Variants in DMXL1 observed in about 807,000 individuals in gnomAD.
DMXL1 encodes the protein Dmx like 1.
A neutral mutation model predicts 319.2 loss-of-function variants in DMXL1; 99 were observed. The ratio of observed to expected loss-of-function variants is 0.31; its 90% CI spans 0.26 to 0.37. DMXL1 has a LOEUF of 0.37. Ranked by LOEUF, DMXL1 falls within the 10% of genes least tolerant of loss-of-function variation. The probability of loss-of-function intolerance (pLI) is 1.00; values close to 1 mark genes in which losing one functional copy is unlikely to be tolerated. For missense variants in DMXL1, 3,745 were observed against 3,595.6 expected (o/e 1.04, Z -1.06); for synonymous variants, 1,385 against 1,235.2 (o/e 1.12, Z -2.54).
chr5:119,131,594 T>G (rs1474386338), intron 10 of DMXL1, among the ~76,000 whole-genome samples: 2 of 152,216 alleles, frequency 1.3e-5, no homozygotes, highest in Admixed American at 6.5e-5. Context: ...AATTCCTTCT[T>G]TTTACCATGA....
chr5:119,128,664 G>A (rs912341075), intron 9 of DMXL1, among the ~76,000 whole-genome samples: 1 of 152,204 alleles, frequency 6.6e-6, no homozygotes, highest in Admixed American at 6.5e-5. Flanking sequence ...ACTTTTGGTA[G>A]TGGATGTTGA....
At chr5:119,191,112 T>C (rs1035757891) in intron 29 of DMXL1, among the ~76,000 whole-genome samples, 9 of 152,238 alleles carry the variant, frequency 5.9e-5, no homozygotes, top group Non-Finnish European at 1.2e-4. Context: ...TTGACAAATA[T>C]CTTTAAAGGT....
chr5:119,077,316 A>AT, intron 1 of DMXL1, among the ~76,000 whole-genome samples: 1 of 152,250 alleles, frequency 6.6e-6, no homozygotes, highest in African/African-American at 2.4e-5. Context: ...TCGACAGTTT[A>AT]TTTGATAAGC....
At chr5:119,078,437 A>G (rs1245027748) in intron 1 of DMXL1, among the ~76,000 whole-genome samples, 1 of 152,030 alleles carries the variant, frequency 6.6e-6, no homozygotes, top group East Asian at 1.9e-4. Flanking sequence ...CTTAGCACAT[A>G]TTTGTGAGAT....
intron 35 of DMXL1, 61 bp downstream of exon 35, chr5:119,217,048 G>C: frequency 1.0e-6 from 1 of 962,410 alleles, no homozygotes; most frequent in Non-Finnish European, 1.5e-6. Flanking sequence ...AATATCTTCT[G>C]TTTTATCAGT....
Position 119,166,631 on chromosome 5 carries a change from C to T in DMXL1, c.4986C>T (p.Thr1662=). ...IWGLYRAEKN[T]RMTQFFGHNF... ...TCCTTTATAGAGCTGAAAAAAACAC[C>T]AGGATGACACAGTTTTTTGGACACA... Residue 1662 remains threonine, a synonymous_variant, in exon 22 of 44, where the codon ACC becomes ACT. Coordinates refer to ENST00000539542, the MANE Select transcript of DMXL1 (RefSeq NM_001290321.3). 6.2e-7 allele frequency: 1 copy of T among 1,604,120 alleles called. No homozygotes were observed. Among genetic ancestry groups the T allele is most frequent in the African/African-American group, 1.3e-5 (1 of 74,250 alleles).
In DMXL1 at chr5:119,189,739, G is replaced by A. The variant is rs1401857981; in HGVS notation, c.7167G>A (p.Gln2389=). The A allele has an allele frequency of 6.2e-7, 1 of 1,613,990 alleles. No homozygotes were observed. The highest frequency in any genetic ancestry group is 2.2e-5 in the East Asian group (1 of 44,872). Residue 2389 remains glutamine (Q), a synonymous_variant, in exon 29 of 44, where the codon CAG becomes CAA. Coordinates refer to ENST00000539542, the MANE Select transcript of DMXL1 (RefSeq NM_001290321.3). ...VSSLVEEGEK[Q]NKRFRPSKMS... ...CACTAGTTGAAGAAGGAGAAAAACA[G>A]AACAAACGTTTTAGGCCGTCAAAAA...
chr5:119,122,466 C>CG (rs1319428816), intron 9 of DMXL1, among the ~76,000 whole-genome samples: 1 of 150,742 alleles, frequency 6.6e-6, no homozygotes, highest in Non-Finnish European at 1.5e-5. Context: ...CCCTCCCAGA[C>CG]GGGGTGGCTG....
At chr5:119,222,552 A>T (rs961193291) in intron 37 of DMXL1, among the ~76,000 whole-genome samples, 3 of 152,194 alleles carry the variant, frequency 2.0e-5, no homozygotes, top group Non-Finnish European at 4.4e-5. Flanking sequence ...TTGAATTCCA[A>T]CCTCAGAGAT....
intron 4 of DMXL1, among the ~76,000 whole-genome samples, chr5:119,108,143 G>A (rs1177262009): frequency 2.0e-5 from 3 of 152,080 alleles, no homozygotes; most frequent in Non-Finnish European, 4.4e-5. Flanking sequence ...TGGGAGGATC[G>A]CTTGAGCCCA....
chr5:119,158,788 G>A (rs1771644295), intron 19 of DMXL1, among the ~76,000 whole-genome samples: 1 of 152,200 alleles, frequency 6.6e-6, no homozygotes, highest in African/African-American at 2.4e-5. Flanking sequence ...AATGACATCA[G>A]TTAATTTGCA....
Position 119,123,397 on chromosome 5 carries a change from G to A in DMXL1, c.1102+2258G>A, listed in dbSNP as rs868107607. Among the ~76,000 whole-genome samples the A allele has an allele frequency of 4.7e-3, 175 of 36,954 alleles. 2 individuals carry two copies. Among genetic ancestry groups the A allele is most frequent in the Middle Eastern group, 0.01 (1 of 98 alleles). The allele number at this position is 36,954 out of a possible 152,430, so 24.2% of individuals were successfully genotyped here. On this transcript the variant is annotated intron_variant, in intron 9 of 43. Coordinates refer to ENST00000539542, the MANE Select transcript of DMXL1 (RefSeq NM_001290321.3). ...AGGGAGAGGGAGAGGAGGGAGAGGA[G>A]GGGGAGGGAGAGGGAGAGGAGGGAG...
chr5:119,239,260 G>C (rs1231152655), intron 41 of DMXL1, among the ~76,000 whole-genome samples, 180 bp downstream of exon 41: 2 of 152,144 alleles, frequency 1.3e-5, no homozygotes, highest in African/African-American at 4.8e-5. Flanking sequence ...GTGGTTGTAA[G>C]AAAGTGTCAT....
At chr5:119,208,237 G>C (rs888791748) in intron 34 of DMXL1, among the ~76,000 whole-genome samples, 2 of 138,838 alleles carry the variant, frequency 1.4e-5, no homozygotes, top group Admixed American at 1.5e-4. Context: ...TTTGGAAACA[G>C]AGTTTCACTC....
At chr5:119,107,131 G>C (rs546838413) in intron 4 of DMXL1, among the ~76,000 whole-genome samples, 46 of 152,246 alleles carry the variant, frequency 3.0e-4, no homozygotes, top group African/African-American at 1.1e-3. Context: ...GAGCCCAGGA[G>C]TTTGAGACCA....
chr5:119,139,502 C>T (rs192232257), intron 13 of DMXL1, among the ~76,000 whole-genome samples: 2 of 152,028 alleles, frequency 1.3e-5, no homozygotes. Flanking sequence ...AGACTCTGAA[C>T]CAACAAAGAT....
chr5:119,110,152 C>A lies in DMXL1; in HGVS notation c.366C>A (p.Gly122=). The A allele has an allele frequency of 1.9e-6, 3 of 1,588,910 alleles. No individual in the cohort carries two copies. The highest frequency in any genetic ancestry group is 2.6e-6 in the Non-Finnish European group (3 of 1,171,058). The change falls in exon 5 of 44, where the codon GGC becomes GGA. Residue 122 remains glycine, a splice_region_variant and synonymous_variant. Transcript: ENST00000539542. ...IAHNITWDPT[G]SRLLTGSSYL... is the part of the protein sequence containing the mutation. ...AATGAGGAATAATATTTTTTTTAGG[C>A]AGTCGTCTTTTAACTGGTTCCAGCT...
intron 9 of DMXL1, among the ~76,000 whole-genome samples, chr5:119,123,427 A>AGAGGAGGGAGAGGGG (rs1762750236): frequency 1.4e-5 from 1 of 73,824 alleles, no homozygotes; most frequent in African/African-American, 6.0e-5. Flanking sequence ...AGGGAGAGGG[A>AGAGGAGGGAGAGGGG]GAGGAGGGAG....
At chr5:119,197,086 A>G (rs111322178) in intron 31 of DMXL1, among the ~76,000 whole-genome samples, 6 of 152,350 alleles carry the variant, frequency 3.9e-5, no homozygotes, top group African/African-American at 1.2e-4. Context: ...ACTCAAGAGT[A>G]TGGATGGGCA....
Sources: allele counts gnomAD v4.1 joint callset (sites outside exome capture counted in the v4.1 genomes callset), GRCh38; gene constraint gnomAD v4.1.1; transcripts MANE v1.5; gene names NCBI Gene and HGNC (gene_info 2026-07-23, HGNC 2026-07-21).